Variants in NAV2 observed in about 807,000 individuals in gnomAD.
NAV2 encodes neuron navigator 2, also known as helicase, APC down-regulated 1.
Under a neutral mutation model 223.2 loss-of-function variants are expected in NAV2, and 54 were observed. That is an observed-to-expected ratio of 0.24 (90% CI 0.19 to 0.30). The LOEUF is 0.30. Among genes scored for constraint, NAV2 ranks in the 10% least tolerant of loss-of-function variants. The pLI, the probability that NAV2 is intolerant of heterozygous loss-of-function variation, is 1.00. For synonymous variants in NAV2, 1,279 were observed against 1,239.3 expected (o/e 1.03, Z -0.67); for missense variants, 2,806 against 3,147.5 (o/e 0.89, Z 2.60).
chr11:19,744,209 A>T (rs1241808110), intron 1 of NAV2, among the ~76,000 whole-genome samples: 2 of 152,182 alleles, frequency 1.3e-5, no homozygotes, highest in East Asian at 1.9e-4. Flanking sequence ...GCCTTTGTGT[A>T]GTTTAAGAGT....
intron 1 of NAV2, among the ~76,000 whole-genome samples, chr11:19,397,418 T>TGTGTGTGTGTGTGTGTGTGTGTGTGCAC (rs57566081): frequency 2.1e-5 from 3 of 145,264 alleles, no homozygotes; most frequent in African/African-American, 7.8e-5. Flanking sequence ...TGTGTGTGTG[T>TGTGTGTGTGTGTGTGTGTGTGTGTGCAC]GCGCGCATGT....
intron 1 of NAV2, among the ~76,000 whole-genome samples, chr11:19,797,231 G>T (rs1456737548): frequency 6.6e-6 from 1 of 151,798 alleles, no homozygotes; most frequent in African/African-American, 2.4e-5. Context: ...CACCCCTCCT[G>T]GTCTTTATTG....
chr11:20,004,744 T>C (rs2052883498), intron 11 of NAV2, among the ~76,000 whole-genome samples: 1 of 152,220 alleles, frequency 6.6e-6, no homozygotes, highest in South Asian at 2.1e-4. Context: ...ACACTGGCCT[T>C]GGTTGTTGTT....
intron 1 of NAV2, among the ~76,000 whole-genome samples, chr11:19,440,720 T>C (rs947528368): frequency 3.3e-5 from 5 of 152,188 alleles, no homozygotes; most frequent in Non-Finnish European, 7.3e-5. Flanking sequence ...CTGCCCAGTC[T>C]ACACACCTCC....
At chr11:19,814,548 G>T (rs2058993782) in intron 1 of NAV2, among the ~76,000 whole-genome samples, 1 of 152,198 alleles carries the variant, frequency 6.6e-6, no homozygotes, top group Non-Finnish European at 1.5e-5. Flanking sequence ...CCTTCAGACA[G>T]TTACTGTAAC....
chr11:19,745,420 C>T (rs916036705), intron 1 of NAV2, among the ~76,000 whole-genome samples: 1 of 152,212 alleles, frequency 6.6e-6, no homozygotes, highest in Admixed American at 6.5e-5. Flanking sequence ...AAGCATTGTG[C>T]CTACTCTGCC....
At chr11:19,565,018 C>T (rs1286529985) in intron 1 of NAV2, among the ~76,000 whole-genome samples, 2 of 152,080 alleles carry the variant, frequency 1.3e-5, no homozygotes, top group Non-Finnish European at 2.9e-5. Flanking sequence ...GCCTGTAATC[C>T]CAGCTACTCG....
intron 11 of NAV2, among the ~76,000 whole-genome samples, chr11:20,033,820 A>ATG (rs1260842956): frequency 1.2e-4 from 18 of 150,916 alleles, no homozygotes; most frequent in African/African-American, 4.2e-4. Context: ...CTTTGGGGTT[A>ATG]TGTGTGTGTG....
At chr11:19,997,659 A>G (rs913351297) in intron 11 of NAV2, among the ~76,000 whole-genome samples, 11 of 152,170 alleles carry the variant, frequency 7.2e-5, no homozygotes, top group Admixed American at 2.6e-4. Context: ...TCAGGGTTAC[A>G]TAGGCAGAGA....
In NAV2 at chr11:20,098,820, C is replaced by G. The variant is rs189735776; in HGVS notation, c.6181+1075C>G. ...GTATGGGCTCATGGCCTTGGGCAATCCAGGGGTACACCTCAAGCACAGCTG... is the reference window on the plus strand; with the variant it reads ...GTATGGGCTCATGGCCTTGGGCAATGCAGGGGTACACCTCAAGCACAGCTG... On this transcript the variant is annotated intron_variant, in intron 31 of 37. Transcript: ENST00000349880. 8.5e-5 allele frequency among the ~76,000 whole-genome samples: 13 copies of G among 152,304 alleles called. No homozygotes were observed. The East Asian group carries it at 2.5e-3, about 29-fold the overall frequency.
chr11:20,068,004 G>A (rs1012052956), intron 20 of NAV2, among the ~76,000 whole-genome samples, 182 bp from the exon 21 acceptor site: 2 of 152,098 alleles, frequency 1.3e-5, no homozygotes, highest in African/African-American at 4.8e-5. Context: ...TAAGCCGTTT[G>A]TATTTGGCCT....
At chr11:20,006,271 G>A (rs964332390) in intron 11 of NAV2, among the ~76,000 whole-genome samples, 2 of 152,080 alleles carry the variant, frequency 1.3e-5, no homozygotes, top group African/African-American at 4.8e-5. Flanking sequence ...TGGAGATAAG[G>A]GCCTCCTTGG....
chr11:19,429,177 G>A (rs935942798), intron 1 of NAV2, among the ~76,000 whole-genome samples: 1 of 152,220 alleles, frequency 6.6e-6, no homozygotes, highest in Non-Finnish European at 1.5e-5. Context: ...GAGTCCAGAG[G>A]TGGTGGTTTC....
At chr11:19,684,552 G>C (rs1489424104) in intron 1 of NAV2, among the ~76,000 whole-genome samples, 1 of 152,096 alleles carries the variant, frequency 6.6e-6, no homozygotes, top group African/African-American at 2.4e-5. Context: ...ACCAAACTTG[G>C]TGCTTTTTGA....
intron 1 of NAV2, among the ~76,000 whole-genome samples, chr11:19,373,974 A>C (rs1214378733): frequency 6.6e-6 from 1 of 152,246 alleles, no homozygotes; most frequent in Non-Finnish European, 1.5e-5. Flanking sequence ...GATAACCTGT[A>C]TGAAAACAAG....
chr11:19,855,325 C>T (rs539458460), intron 3 of NAV2, among the ~76,000 whole-genome samples: 109 of 152,250 alleles, frequency 7.2e-4, no homozygotes, highest in African/African-American at 2.6e-3. Flanking sequence ...GAGTACCTTG[C>T]CCAGAGGTGG....
chr11:20,107,485 G>C (rs1439697537), intron 35 of NAV2, 179 bp from the exon 36 acceptor site: 2 of 620,738 alleles, frequency 3.2e-6, no homozygotes, highest in Non-Finnish European at 2.9e-6. Context: ...TCAGGGATCA[G>C]AGTGTCCTTC....
At chr11:19,449,035 T>C (rs1851691664) in intron 1 of NAV2, among the ~76,000 whole-genome samples, 1 of 152,268 alleles carries the variant, frequency 6.6e-6, no homozygotes, top group Middle Eastern at 3.4e-3. Context: ...TATAGCATGA[T>C]CTATGGATTA....
chr11:20,004,599 G>A (rs1356662444), intron 11 of NAV2, among the ~76,000 whole-genome samples: 1 of 152,182 alleles, frequency 6.6e-6, no homozygotes, highest in Non-Finnish European at 1.5e-5. Flanking sequence ...GAGGGGCTCA[G>A]TCCTGCCATT....
Sources: gnomAD v4.1 joint callset for allele counts (sites outside exome capture counted in the v4.1 genomes callset) on GRCh38, gnomAD v4.1.1 for gene constraint, MANE v1.5 for transcripts, NCBI Gene and HGNC (gene_info 2026-07-23, HGNC 2026-07-21) for gene names.